IQCM: variants seen among roughly 807,000 people sequenced by gnomAD.
IQCM encodes IQ domain-containing protein M.
In IQCM, 45 loss-of-function variants were observed where a neutral mutation model predicts 57.6. The ratio of observed to expected loss-of-function variants is 0.78; its 90% CI spans 0.62 to 1.00. IQCM has a LOEUF of 1.00. IQCM is among the 50% of genes least tolerant of loss of function. The pLI is 0.00. For synonymous variants in IQCM, 148 were observed against 158.9 expected, an observed-to-expected ratio of 0.93 and a Z score of 0.51; for missense variants, 468 against 511.6, an observed-to-expected ratio of 0.91 and a Z score of 0.82.
At chr4:149,485,764 T>C (rs1034743695) in intron 12 of IQCM, among the ~76,000 whole-genome samples, 5 of 152,146 alleles carry the variant, frequency 3.3e-5, no homozygotes, top group Admixed American at 2.0e-4. Context: ...GTGTTGATGC[T>C]TGAAGATATT....
At chr4:149,433,796 T>G (rs1375889840) in intron 12 of IQCM, among the ~76,000 whole-genome samples, 2 of 151,984 alleles carry the variant, frequency 1.3e-5, no homozygotes, top group Non-Finnish European at 2.9e-5. Context: ...TGAAGCAGTA[T>G]TGTTAAGGCT....
chr4:149,476,939 C>T (rs1553428), intron 12 of IQCM, among the ~76,000 whole-genome samples: 21,955 of 152,012 alleles, frequency 0.14, 2,018 homozygotes, highest in South Asian at 0.33. Context: ...TTATATTAAA[C>T]GGAAATCACA....
chr4:149,596,180 GC>G (rs1478993278), intron 8 of IQCM, among the ~76,000 whole-genome samples: 2 of 152,106 alleles, frequency 1.3e-5, no homozygotes, highest in Admixed American at 1.3e-4. Flanking sequence ...CCCAATATAA[GC>G]CCCTGTAAAG....
chr4:149,510,126 G>C (rs1190397892), intron 12 of IQCM, among the ~76,000 whole-genome samples: 1 of 151,932 alleles, frequency 6.6e-6, no homozygotes, highest in African/African-American at 2.4e-5. Context: ...TAAATTTTTG[G>C]AATCCTTGTT....
intron 5 of IQCM, among the ~76,000 whole-genome samples, chr4:149,704,337 G>C (rs999881440): frequency 6.6e-6 from 1 of 151,788 alleles, no homozygotes; most frequent in African/African-American, 2.4e-5. Context: ...AACAGGGATT[G>C]GCAAACCACG....
rs1004331494 is a variant in IQCM, at chr4:149,733,439, T to C, written c.190A>G (p.Ile64Val). Residue 64 changes from isoleucine to valine, a missense_variant, in exon 5 of 14, where the codon ATA (isoleucine) becomes GTA (valine). Coordinates refer to ENST00000636793, the MANE Select transcript of IQCM (RefSeq NM_001363507.2). ...KHQKPKSGKYIPLEIDKKVTR... is the reference protein window; with the variant it reads ...KHQKPKSGKYVPLEIDKKVTR... The stretch of plus-strand genomic sequence containing the variant: ...ACCTTTTTGTCAATCTCCAAAGGTA[T>C]GTATTTGCCAGATTTCGGTTTTTGG... The C allele has an allele frequency of 2.4e-6, 3 of 1,231,644 alleles. No individual in the cohort carries two copies. The East Asian group carries it at 9.5e-5, about 39-fold the overall frequency. The allele number at this position is 1,231,644 out of a possible 1,614,324, so 76.3% of individuals were successfully genotyped here. A position where few individuals can be genotyped will look rare whatever the true frequency, so the allele number is the denominator to read the frequency against.
At chr4:149,581,611 C>T (rs1374975435) in intron 9 of IQCM, among the ~76,000 whole-genome samples, 2 of 151,522 alleles carry the variant, frequency 1.3e-5, no homozygotes, top group Non-Finnish European at 3.0e-5. Context: ...TGAGTTATTG[C>T]CCTTGGGAAG....
chr4:149,480,568 G>C (rs745911635), intron 12 of IQCM, among the ~76,000 whole-genome samples: 2 of 151,968 alleles, frequency 1.3e-5, no homozygotes, highest in Non-Finnish European at 2.9e-5. Flanking sequence ...TTCCAGTTCC[G>C]TGTTATTGCA....
intron 2 of IQCM, among the ~76,000 whole-genome samples, chr4:149,785,389 G>C (rs1217573941): frequency 6.6e-6 from 1 of 152,026 alleles, no homozygotes; most frequent in Non-Finnish European, 1.5e-5. Context: ...TATAAAATAA[G>C]GAACTCAAAT....
chr4:149,368,444 A>G (rs1729991411), intron 13 of IQCM, among the ~76,000 whole-genome samples: 1 of 151,960 alleles, frequency 6.6e-6, no homozygotes, highest in South Asian at 2.1e-4. Context: ...CTCAGTACTC[A>G]TGACTGCTAA....
intron 9 of IQCM, among the ~76,000 whole-genome samples, chr4:149,564,239 A>G (rs562744431): frequency 6.6e-6 from 1 of 152,354 alleles, no homozygotes; most frequent in Admixed American, 6.5e-5. Context: ...TAAACTACAG[A>G]GTACTTCAAA....
chr4:149,804,280 C>T (rs1013742669), intron 2 of IQCM, among the ~76,000 whole-genome samples: 8 of 152,044 alleles, frequency 5.3e-5, no homozygotes, highest in Non-Finnish European at 1.2e-4. Flanking sequence ...CCTAGTAGAG[C>T]TCCTGGACAC....
chr4:149,754,119 T>C (rs569286347), intron 2 of IQCM, among the ~76,000 whole-genome samples: 3 of 152,306 alleles, frequency 2.0e-5, no homozygotes, highest in South Asian at 4.1e-4. Flanking sequence ...AAAGAACTTA[T>C]TACCCAGCTG....
intron 12 of IQCM, among the ~76,000 whole-genome samples, chr4:149,437,944 C>A (rs1189851335): frequency 1.3e-5 from 2 of 151,984 alleles, no homozygotes; most frequent in African/African-American, 4.8e-5. Flanking sequence ...TTCTAACGTA[C>A]CCGCCCCTTC....
chr4:149,504,715 A>G (rs1340977519), intron 12 of IQCM, among the ~76,000 whole-genome samples: 2 of 152,160 alleles, frequency 1.3e-5, no homozygotes, highest in East Asian at 3.9e-4. Context: ...GGAGTTCAAG[A>G]CCAGCCTGGC....
chr4:149,621,786 A>C (rs1756359403), intron 7 of IQCM, among the ~76,000 whole-genome samples: 1 of 152,192 alleles, frequency 6.6e-6, no homozygotes, highest in African/African-American at 2.4e-5. Flanking sequence ...GTTGGTACAT[A>C]AGATTTCTAC....
chr4:149,699,953 G>T (rs986028055), intron 5 of IQCM, among the ~76,000 whole-genome samples: 1 of 151,884 alleles, frequency 6.6e-6, no homozygotes, highest in African/African-American at 2.4e-5. Context: ...GGAGGAGGGG[G>T]AAATGTGCCT....
At chr4:149,675,087 C>A (rs1459292945) in intron 7 of IQCM, among the ~76,000 whole-genome samples, 3 of 151,902 alleles carry the variant, frequency 2.0e-5, no homozygotes, top group African/African-American at 7.3e-5. Context: ...AGGGCAAAAT[C>A]ATGGGAGGAA....
At chr4:149,434,017 C>T (rs1735120288) in intron 12 of IQCM, among the ~76,000 whole-genome samples, 1 of 152,024 alleles carries the variant, frequency 6.6e-6, no homozygotes, top group African/African-American at 2.4e-5. Flanking sequence ...ATGCATATTG[C>T]TGTGACTGAA....
Sources: gnomAD v4.1 joint callset for allele counts (sites outside exome capture counted in the v4.1 genomes callset) on GRCh38, gnomAD v4.1.1 for gene constraint, MANE v1.5 for transcripts, NCBI Gene and HGNC (gene_info 2026-07-23, HGNC 2026-07-21) for gene names.